The following SUGCT variants were observed in gnomAD, a reference collection of about 807,000 sequenced individuals.
SUGCT encodes the protein succinyl-CoA:glutarate-CoA transferase.
A neutral mutation model predicts 55.0 loss-of-function variants in SUGCT; 41 were observed. The observed-to-expected ratio is 0.74, with a 90% CI of 0.58 to 0.97. The LOEUF is 0.97. SUGCT is among the 50% of genes least tolerant of loss of function. The pLI is 0.00. For missense variants in SUGCT, 568 were observed against 547.8 expected (o/e 1.04, Z -0.37); for synonymous variants, 187 against 200.4 (o/e 0.93, Z 0.56).
At chr7:40,238,721 A>G (rs566523972) in intron 7 of SUGCT, among the ~76,000 whole-genome samples, 36 of 152,152 alleles carry the variant, frequency 2.4e-4, no homozygotes, top group Non-Finnish European at 5.0e-4. Context: ...ATTAATTTCA[A>G]AGCAACTGTT....
intron 8 of SUGCT, among the ~76,000 whole-genome samples, chr7:40,303,911 C>T (rs750763839): frequency 4.6e-4 from 70 of 152,022 alleles, no homozygotes; most frequent in Non-Finnish European, 9.0e-4. Flanking sequence ...GCCTGGCCAA[C>T]ATGGCAAAAC....
At chr7:40,683,310 C>T (rs981142191) in intron 12 of SUGCT, among the ~76,000 whole-genome samples, 15 of 152,156 alleles carry the variant, frequency 9.9e-5, no homozygotes, top group Admixed American at 5.2e-4. Context: ...CCTGAAACTT[C>T]TGCAAATGTC....
rs144629610 is a variant in SUGCT at position 40,720,147 on chromosome 7, C to A, written c.1090-29287C>A. Among the ~76,000 whole-genome samples, 453 of 152,258 alleles carry A rather than the reference C, an allele frequency of 3.0e-3. 1 individual carries two copies. The highest frequency in any genetic ancestry group is 0.01 in the African/African-American group (436 of 41,530). On this transcript the variant is annotated intron_variant, in intron 12 of 13. Transcript: ENST00000335693. ...AGATTCTAGTCCCCCCACTGCCAGA[C>A]CTTGGGTAAGTCACTTAACCTCATG...
rs2151445501 is a variant in SUGCT at position 40,459,127 on chromosome 7, T to C, written c.915T>C (p.Asp305=). The C allele has an allele frequency of 6.2e-7, 1 of 1,611,392 alleles. No individual in the cohort carries two copies. Among genetic ancestry groups the C allele is most frequent in the East Asian group, 2.2e-5 (1 of 44,778 alleles). Residue 305 remains aspartate, a synonymous_variant, in exon 11 of 14, where the codon GAT becomes GAC. Transcript: ENST00000335693. ...CKILDLPELI[D]NSKYKTNHLR... ...TCTTGGATTTGCCTGAGTTGATTGA[T>C]AATTCCAAGTATAAAACTAACCACC... is the stretch of plus-strand genomic sequence containing the variant.
chr7:40,238,692 A>C (rs1177240884), intron 7 of SUGCT, among the ~76,000 whole-genome samples: 1 of 152,038 alleles, frequency 6.6e-6, no homozygotes, highest in Non-Finnish European at 1.5e-5. Context: ...CTATTTTCTC[A>C]TGATGAGATT....
chr7:40,555,856 C>G (rs1562858651), intron 12 of SUGCT, among the ~76,000 whole-genome samples: 1 of 151,994 alleles, frequency 6.6e-6, no homozygotes, highest in Non-Finnish European at 1.5e-5. Flanking sequence ...TTTACAACAC[C>G]TAGATCAAAT....
chr7:40,362,264 C>G (rs1337040849), intron 9 of SUGCT, among the ~76,000 whole-genome samples: 1 of 151,990 alleles, frequency 6.6e-6, no homozygotes, highest in Non-Finnish European at 1.5e-5. Flanking sequence ...ACTAAAAATA[C>G]AAAAATTAGC....
chr7:40,141,189 T>C (rs1046815710), intron 1 of SUGCT, among the ~76,000 whole-genome samples: 2 of 152,060 alleles, frequency 1.3e-5, no homozygotes, highest in African/African-American at 2.4e-5. Context: ...CTTTTCCTTT[T>C]TTTTTTTTGA....
the SUGCT span, among the ~76,000 whole-genome samples, chr7:40,890,961 G>A: frequency 6.6e-6 from 1 of 152,052 alleles, no homozygotes; most frequent in Non-Finnish European, 1.5e-5. Flanking sequence ...TCAACAAAGA[G>A]AGACAACCCA....
chr7:40,692,306 G>T (rs1288904118), intron 12 of SUGCT, among the ~76,000 whole-genome samples: 1 of 152,198 alleles, frequency 6.6e-6, no homozygotes. Flanking sequence ...TACAGTGAAG[G>T]TGGGACATTT....
At chr7:40,242,925 A>ATTTTTTTTTTTT (rs1356124202) in intron 7 of SUGCT, among the ~76,000 whole-genome samples, 1 of 26,428 alleles carries the variant, frequency 3.8e-5, no homozygotes, top group Non-Finnish European at 7.5e-5. Context: ...ATATATATAT[A>ATTTTTTTTTTTT]TATATATATT....
rs113377665 is a variant in SUGCT at position 40,547,948 on chromosome 7, T to A, written c.1089+51562T>A. On this transcript the variant is annotated intron_variant, in intron 12 of 13. Coordinates refer to ENST00000335693, the MANE Select transcript of SUGCT (RefSeq NM_001193313.2). ...ATACATAGAGCTTTGCACATGTCTG[T>A]TTACTCTTTTAAAACAAATTCTTAC... Among the ~76,000 whole-genome samples, 1,026 of 152,206 alleles carry A rather than the reference T, an allele frequency of 6.7e-3. 16 individuals carry two copies. Among genetic ancestry groups the A allele is most frequent in the African/African-American group, 0.023 (954 of 41,554 alleles).
At chr7:40,398,515 C>CTTTTTTTT (rs138325012) in intron 9 of SUGCT, among the ~76,000 whole-genome samples, 1 of 130,934 alleles carries the variant, frequency 7.6e-6, no homozygotes, top group Non-Finnish European at 1.7e-5. Flanking sequence ...ACTTTACTGG[C>CTTTTTTTT]TTTTTTTTTT....
intron 9 of SUGCT, among the ~76,000 whole-genome samples, chr7:40,420,985 G>A (rs188518022): frequency 6.6e-6 from 1 of 152,186 alleles, no homozygotes; most frequent in Admixed American, 6.5e-5. Flanking sequence ...TTTTCCAACT[G>A]TGTTTCCAAT....
intron 13 of SUGCT, among the ~76,000 whole-genome samples, chr7:40,816,312 TTG>T (rs1349173717): frequency 6.6e-6 from 1 of 152,246 alleles, no homozygotes; most frequent in African/African-American, 2.4e-5. Flanking sequence ...CACCCTGCTC[TTG>T]GTCCTAGGCT....
the SUGCT span, among the ~76,000 whole-genome samples, chr7:41,032,983 C>T: frequency 6.6e-6 from 1 of 152,118 alleles, no homozygotes; most frequent in African/African-American, 2.4e-5. Flanking sequence ...AGGATGGTCT[C>T]GATCTCCTGA....
intron 12 of SUGCT, among the ~76,000 whole-genome samples, chr7:40,562,546 A>G (rs532997053): frequency 1.1e-3 from 163 of 152,292 alleles, no homozygotes; most frequent in African/African-American, 3.6e-3. Flanking sequence ...TGTAGGACTG[A>G]GAGACTGAAG....
At chr7:40,922,297 T>G in the SUGCT span, among the ~76,000 whole-genome samples, 2 of 152,222 alleles carry the variant, frequency 1.3e-5, no homozygotes, top group Non-Finnish European at 2.9e-5. Context: ...TTGTTTCACC[T>G]GGCTTCCCTG....
intron 12 of SUGCT, among the ~76,000 whole-genome samples, chr7:40,691,966 T>C (rs1204103612): frequency 6.6e-6 from 1 of 152,166 alleles, no homozygotes; most frequent in Non-Finnish European, 1.5e-5. Flanking sequence ...ATCTATTTCA[T>C]AGATAAACAG....
Sources: gnomAD v4.1 joint callset for allele counts (sites outside exome capture counted in the v4.1 genomes callset) on GRCh38, gnomAD v4.1.1 for gene constraint, MANE v1.5 for transcripts, NCBI Gene and HGNC (gene_info 2026-07-23, HGNC 2026-07-21) for gene names.